Variants in ZC3H12B observed in about 807,000 individuals in gnomAD.
The protein encoded by ZC3H12B is zinc finger CCCH-type containing 12B, also known as probable ribonuclease ZC3H12B.
Under a neutral mutation model 43.9 loss-of-function variants are expected in ZC3H12B, and 7 were observed. That is an observed-to-expected ratio of 0.16 (90% CI 0.09 to 0.30). The LOEUF is 0.30. Ranked by LOEUF, ZC3H12B falls within the 10% of genes least tolerant of loss-of-function variation. ZC3H12B has a pLI of 1.00. For missense variants in ZC3H12B, 475 were observed against 670.2 expected, an observed-to-expected ratio of 0.71 and a Z score of 3.22; for synonymous variants, 222 against 241.7, an observed-to-expected ratio of 0.92 and a Z score of 0.76.
chrX:65,453,490 G>A (rs1159173167), intron 3 of ZC3H12B, among the ~76,000 whole-genome samples: 2 of 102,522 alleles, frequency 2.0e-5, no homozygotes, highest in Non-Finnish European at 4.0e-5. Flanking sequence ...GGAGGCCAGG[G>A]CAGGTGGATC....
chrX:65,187,404 A>G, the ZC3H12B span: 1 of 111,696 alleles, frequency 9.0e-6, no homozygotes, highest in Non-Finnish European at 1.9e-5. Flanking sequence ...ATTCTAAACT[A>G]TAAAGGCTTT....
At chrX:65,416,861 A>G (rs1313276003) in intron 3 of ZC3H12B, among the ~76,000 whole-genome samples, 1 of 111,296 alleles carries the variant, frequency 9.0e-6, no homozygotes, top group Non-Finnish European at 1.9e-5. Flanking sequence ...GCAGAGCTCC[A>G]CAATTTGCTA....
chrX:65,109,100 A>G, the ZC3H12B span, among the ~76,000 whole-genome samples: 1 of 111,656 alleles, frequency 9.0e-6, no homozygotes, highest in Non-Finnish European at 1.9e-5. Context: ...AACCTCCTTC[A>G]GTATATTCCT....
the ZC3H12B span, among the ~76,000 whole-genome samples, chrX:65,240,389 C>T: frequency 1.8e-5 from 2 of 111,767 alleles, no homozygotes; most frequent in Non-Finnish European, 3.8e-5. Flanking sequence ...ATAGCATTGT[C>T]AATTTCTCAT....
chrX:65,440,066 CT>C (rs1052749581), intron 3 of ZC3H12B, among the ~76,000 whole-genome samples: 8 of 112,233 alleles, frequency 7.1e-5, no homozygotes, highest in African/African-American at 2.6e-4. Context: ...CTAGATTCAA[CT>C]GTGTATGGGC....
At chrX:65,479,746 T>A (rs2068041749) in intron 3 of ZC3H12B, among the ~76,000 whole-genome samples, 1 of 112,349 alleles carries the variant, frequency 8.9e-6, no homozygotes, top group South Asian at 3.7e-4. Flanking sequence ...AGGTTCTTGG[T>A]GTCTTGAACA....
chrX:65,170,419 G>A, the ZC3H12B span, among the ~76,000 whole-genome samples: 1 of 111,921 alleles, frequency 8.9e-6, no homozygotes, highest in Non-Finnish European at 1.9e-5. Flanking sequence ...AGTCTGATGG[G>A]CTTCCCTTTG....
chrX:65,458,822 A>T (rs946025416), intron 3 of ZC3H12B, among the ~76,000 whole-genome samples: 6 of 111,525 alleles, frequency 5.4e-5, no homozygotes, highest in African/African-American at 2.0e-4. Context: ...GAGGAAACGC[A>T]TTCAAAAGCT....
chrX:65,224,871 G>A, the ZC3H12B span, among the ~76,000 whole-genome samples: 2 of 112,199 alleles, frequency 1.8e-5, no homozygotes, highest in South Asian at 3.7e-4. Context: ...AAGCAGCCGG[G>A]AAGCTCAAAC....
At chrX:65,230,315 A>G in the ZC3H12B span, among the ~76,000 whole-genome samples, 5 of 109,343 alleles carry the variant, frequency 4.6e-5, no homozygotes, top group Non-Finnish European at 9.5e-5. Flanking sequence ...TTTCTCACTC[A>G]TCGGTGGGAA....
At chrX:65,261,499 C>T in the ZC3H12B span, among the ~76,000 whole-genome samples, 1 of 111,182 alleles carries the variant, frequency 9.0e-6, no homozygotes, top group Non-Finnish European at 1.9e-5. Flanking sequence ...AGTGATCTCT[C>T]TTAATCTGAG....
chrX:65,389,592 G>A (rs1300821367), intron 2 of ZC3H12B, among the ~76,000 whole-genome samples: 1 of 112,676 alleles, frequency 8.9e-6, no homozygotes, highest in African/African-American at 3.2e-5. Context: ...CCCAGGTGAG[G>A]CGATGCCTCG....
the ZC3H12B span, among the ~76,000 whole-genome samples, chrX:65,059,263 G>C: frequency 2.1e-5 from 2 of 94,997 alleles, no homozygotes; most frequent in African/African-American, 7.9e-5. Context: ...TTGGCTGCCT[G>C]CGCTTGTGCG....
chrX:65,379,305 C>A (rs2066399983), intron 2 of ZC3H12B, among the ~76,000 whole-genome samples: 1 of 111,685 alleles, frequency 9.0e-6, no homozygotes, highest in South Asian at 3.8e-4. Flanking sequence ...GACCTCTGAC[C>A]CCCATGCAGC....
chrX:65,161,862 C>T, the ZC3H12B span, among the ~76,000 whole-genome samples: 21 of 111,662 alleles, frequency 1.9e-4, no homozygotes, highest in African/African-American at 5.5e-4. Context: ...TTCCTAGCCT[C>T]GATGGTCTTT....
the ZC3H12B span, among the ~76,000 whole-genome samples, chrX:65,063,188 C>CA: frequency 6.0e-4 from 67 of 111,596 alleles, 1 homozygote; most frequent in East Asian, 0.018. Context: ...TCAGAACTTC[C>CA]AATAATATGT....
chrX:65,306,605 G>A, the ZC3H12B span, among the ~76,000 whole-genome samples: 7 of 111,373 alleles, frequency 6.3e-5, no homozygotes, highest in Non-Finnish European at 1.3e-4. Flanking sequence ...GAACTCCTGA[G>A]CTCAGGCAAT....
chrX:65,338,062 T>C, the ZC3H12B span, among the ~76,000 whole-genome samples: 2 of 112,257 alleles, frequency 1.8e-5, no homozygotes, highest in Non-Finnish European at 3.8e-5. Flanking sequence ...TTTGATCCTA[T>C]CCTGAAGTTG....
the ZC3H12B span, among the ~76,000 whole-genome samples, chrX:65,216,326 G>T: frequency 9.0e-6 from 1 of 111,011 alleles, no homozygotes; most frequent in Non-Finnish European, 1.9e-5. Context: ...GAGAGAGAGC[G>T]TAGTGAGTGT....
Sources: allele counts gnomAD v4.1 joint callset (sites outside exome capture counted in the v4.1 genomes callset), GRCh38; gene constraint gnomAD v4.1.1; transcripts MANE v1.5; gene names NCBI Gene and HGNC (gene_info 2026-07-23, HGNC 2026-07-21).